The following RTF1 variants were observed in gnomAD, a reference collection of about 807,000 sequenced individuals.
The protein encoded by RTF1 is RTF1 homolog, Paf1/RNA polymerase II complex component.
A neutral mutation model predicts 95.7 loss-of-function variants in RTF1; 10 were observed. That is an observed-to-expected ratio of 0.10 (90% confidence interval 0.06 to 0.18). The LOEUF (loss-of-function observed/expected upper bound fraction) is 0.18. RTF1 is among the 10% of genes least tolerant of loss of function. The probability of loss-of-function intolerance (pLI) is 1.00; values close to 1 mark genes in which losing one functional copy is unlikely to be tolerated. For missense variants in RTF1, 458 were observed against 875.6 expected, an observed-to-expected ratio of 0.52 and a Z score of 6.02; for synonymous variants, 305 against 311.8, an observed-to-expected ratio of 0.98 and a Z score of 0.23.
intron 14 of RTF1, among the ~76,000 whole-genome samples, chr15:41,478,058 G>A (rs771022926): frequency 4.6e-5 from 7 of 151,470 alleles, no homozygotes; most frequent in East Asian, 1.9e-4. Context: ...GTGAGCTGTC[G>A]TGCCACTGCA....
chr15:41,468,899 CTCA>C (rs2050895346), intron 6 of RTF1, among the ~76,000 whole-genome samples: 2 of 152,086 alleles, frequency 1.3e-5, no homozygotes, highest in Admixed American at 1.3e-4. Flanking sequence ...TCCTTGTGAA[CTCA>C]TCATTTTTAA....
At chr15:41,478,022 C>T (rs551828161) in intron 14 of RTF1, among the ~76,000 whole-genome samples, 2 of 152,258 alleles carry the variant, frequency 1.3e-5, no homozygotes, top group African/African-American at 4.8e-5. Context: ...ACGAGAATCA[C>T]TTGAACCTGG....
intron 1 of RTF1, among the ~76,000 whole-genome samples, chr15:41,426,779 ATATGTGTGTGTGTGTGTGTGTGTGTG>A (rs2050634434): frequency 1.3e-5 from 1 of 77,562 alleles, no homozygotes; most frequent in Admixed American, 1.6e-4. Flanking sequence ...CGCTACATAT[ATATGTGTGTGTGTGTGTGTGTGTGTG>A]TGTGTGTGTG....
intron 14 of RTF1, 116 bp from the exon 15 acceptor site, chr15:41,478,432 G>A: frequency 1.3e-6 from 1 of 789,546 alleles, no homozygotes; most frequent in Non-Finnish European, 2.1e-6. Context: ...AAAAGGAAAA[G>A]GATAATAGCT....
chr15:41,436,879 G>A (rs2050706433), intron 1 of RTF1, among the ~76,000 whole-genome samples: 1 of 152,020 alleles, frequency 6.6e-6, no homozygotes, highest in Admixed American at 6.6e-5. Context: ...ACAAGGTCAG[G>A]AGATCGAGAC....
In RTF1 at chr15:41,475,506, C is replaced by T. The variant is rs1369970824; in HGVS notation, c.1287-19C>T. 1 of 1,605,628 alleles carries T rather than the reference C, an allele frequency of 6.2e-7. No homozygotes were observed. The highest frequency in any genetic ancestry group is 1.7e-5 in the Admixed American group (1 of 59,976). On this transcript the variant is annotated intron_variant, in intron 9 of 17. Coordinates refer to ENST00000389629, the MANE Select transcript of RTF1 (RefSeq NM_015138.5). Reference sequence around the variant, plus strand: ...TCAACATGCACATTTCTTGGAGATGCTGTCTCTCTTTTATGTAGGCATGGC... The same window carrying T: ...TCAACATGCACATTTCTTGGAGATGTTGTCTCTCTTTTATGTAGGCATGGC...
At position 41,442,692 on chromosome 15, in the gene RTF1, A is replaced by G. The variant is rs571039026; in HGVS notation, c.309+4261A>G. ...CTTGAGGTCAGGAGTTCGAGACCAG[A>G]CTGGCCAAAATGGCGAAACCCTGTC... On this transcript the variant is annotated intron_variant, in intron 2 of 17. Transcript: ENST00000389629. Among the ~76,000 whole-genome samples, 5 of 152,076 alleles carry G rather than the reference A, an allele frequency of 3.3e-5. No individual in the cohort carries two copies. The South Asian group carries it at 1.0e-3, about 32-fold the overall frequency.
chr15:41,469,506 G>A (rs1348099759), intron 6 of RTF1, among the ~76,000 whole-genome samples: 2 of 150,536 alleles, frequency 1.3e-5, no homozygotes, highest in African/African-American at 4.9e-5. Context: ...ACAGGCATGA[G>A]TCACCATGCC....
chr15:41,470,522 G>C lies in RTF1; in HGVS notation c.1025+130G>C, dbSNP rs2050904738. On this transcript the variant is annotated intron_variant, in intron 7 of 17. Transcript: ENST00000389629. ...ATGGTTACCTTTGGTTTGCTGAACT[G>C]AGTTCCCCAGCACGTCAGCCCATTC... 4 of 916,262 alleles carry C rather than the reference G, an allele frequency of 4.4e-6. No homozygotes were observed. In the African/African-American group the frequency reaches 6.6e-5, roughly 15 times the overall value. The allele number at this position is 916,262 out of a possible 1,614,324, so 56.8% of individuals were successfully genotyped here.
At chr15:41,462,678 C>T (rs2050856909) in intron 4 of RTF1, among the ~76,000 whole-genome samples, 1 of 152,132 alleles carries the variant, frequency 6.6e-6, no homozygotes, top group Non-Finnish European at 1.5e-5. Flanking sequence ...CTGTATTTCC[C>T]CATAAGCCTC....
chr15:41,429,419 C>G (rs1434174512), intron 1 of RTF1, among the ~76,000 whole-genome samples: 4 of 151,784 alleles, frequency 2.6e-5, no homozygotes, highest in Non-Finnish European at 5.9e-5. Context: ...GTCTGTTCAT[C>G]TACCAGTTGT....
chr15:41,467,178 C>G (rs1412401760), intron 6 of RTF1, among the ~76,000 whole-genome samples: 1 of 152,162 alleles, frequency 6.6e-6, no homozygotes, highest in East Asian at 1.9e-4. Context: ...ATGAGTTCAG[C>G]TGGAATTATC....
intron 12 of RTF1, 142 bp from the exon 13 acceptor site, chr15:41,477,023 T>C (rs2050945016): frequency 2.0e-6 from 2 of 1,001,554 alleles, no homozygotes; most frequent in Non-Finnish European, 3.0e-6. Context: ...ATTTGTAAAG[T>C]ACTTCTACAG....
chr15:41,417,135 T>C lies in RTF1; in HGVS notation c.20T>C (p.Val7Ala). Residue 7 changes from valine to alanine, a missense_variant, in exon 1 of 18, where the codon GTG becomes GCG. Val to Ala is a moderately conservative substitution (Grantham distance 64). Transcript: ENST00000389629. ...GCGCGCATGCGCGGTCGCCTTTGTG[T>C]GGGTCGAGCAGCGGCGGCGGCGGCG... Reference protein sequence around the residue: MRGRLCVGRAAAAAAAV... With the variant: MRGRLCAGRAAAAAAAV... 8.0e-7 allele frequency: 1 copy of C among 1,253,722 alleles called. No individual in the cohort carries two copies. Among genetic ancestry groups the C allele is most frequent in the Non-Finnish European group, 1.0e-6 (1 of 995,158 alleles). 77.7% of individuals were successfully genotyped at this position (1,253,722 alleles called of 1,614,324 possible).
intron 1 of RTF1, among the ~76,000 whole-genome samples, chr15:41,434,950 G>A (rs949163166): frequency 6.8e-6 from 1 of 147,862 alleles, no homozygotes; most frequent in Non-Finnish European, 1.5e-5. Context: ...TCTTACTTTA[G>A]TTACAGTAAC....
At chr15:41,451,365 A>T (rs1188780542) in intron 2 of RTF1, among the ~76,000 whole-genome samples, 1 of 152,160 alleles carries the variant, frequency 6.6e-6, no homozygotes, top group Non-Finnish European at 1.5e-5. Context: ...ATCGAAGGAG[A>T]TATGGTTTAA....
intron 2 of RTF1, among the ~76,000 whole-genome samples, chr15:41,450,277 A>T (rs2050783518): frequency 6.6e-6 from 1 of 152,184 alleles, no homozygotes; most frequent in South Asian, 2.1e-4. Context: ...TGTAAGATAT[A>T]AGAAGTTTTA....
At chr15:41,446,671 C>T (rs2050765101) in intron 2 of RTF1, among the ~76,000 whole-genome samples, 1 of 152,294 alleles carries the variant, frequency 6.6e-6, no homozygotes, top group African/African-American at 2.4e-5. Flanking sequence ...TCACACTACC[C>T]TGGTAGGTGG....
Position 41,482,366 on chromosome 15 carries a change from C to G in RTF1, c.*1679C>G, listed in dbSNP as rs192490973. ...AGGAACAGCTGAGAGCTCCGATCTC[C>G]ACGAGAGACTAATCTAAAAGCTCTG... On this transcript the variant is annotated 3_prime_UTR_variant, in exon 18 of 18. Coordinates refer to ENST00000389629, the MANE Select transcript of RTF1 (RefSeq NM_015138.5). 25 of 152,746 alleles carry G rather than the reference C, an allele frequency of 1.6e-4. 1 individual carries two copies. The highest frequency in any genetic ancestry group is 1.6e-3 in the Admixed American group (24 of 15,300). 9.5% of individuals were successfully genotyped at this position (152,746 alleles called of 1,614,324 possible). A position where few individuals can be genotyped will look rare whatever the true frequency, so the allele number is the denominator to read the frequency against.
Sources: gnomAD v4.1 joint callset for allele counts (sites outside exome capture counted in the v4.1 genomes callset) on GRCh38, gnomAD v4.1.1 for gene constraint, MANE v1.5 for transcripts, NCBI Gene and HGNC (gene_info 2026-07-23, HGNC 2026-07-21) for gene names.